NBAS: variants seen among roughly 807,000 people sequenced by gnomAD.
NBAS encodes NBAS subunit of NRZ tethering complex.
Under a neutral mutation model 302.5 loss-of-function variants are expected in NBAS, and 219 were observed. The observed-to-expected ratio is 0.72, with a 90% CI of 0.65 to 0.81. The LOEUF (loss-of-function observed/expected upper bound fraction) is 0.81. Ranked by LOEUF, NBAS falls within the 30% of genes least tolerant of loss-of-function variation. NBAS has a pLI of 0.00. For synonymous variants in NBAS, 1,118 were observed against 1,021.6 expected (o/e 1.09, Z -1.80); for missense variants, 2,932 against 2,841.6 (o/e 1.03, Z -0.72).
rs73917940 is a variant in NBAS, at chr2:15,315,814, T to C, written c.4583-6567A>G. Among the ~76,000 whole-genome samples, 1,214 of 152,258 alleles carry C rather than the reference T, an allele frequency of 8.0e-3. 21 individuals are homozygous for C. The highest frequency in any genetic ancestry group is 0.028 in the African/African-American group (1,158 of 41,562). ...TAATGTGCCTAGCCCAGGGCTCTCCTAACTAACATGAATTGTAGGGAACTG... is the reference window on the plus strand; with the variant it reads ...TAATGTGCCTAGCCCAGGGCTCTCCCAACTAACATGAATTGTAGGGAACTG... On this transcript the variant is annotated intron_variant, in intron 38 of 51. Transcript: ENST00000281513.
chr2:15,262,427 G>A (rs1668889777), intron 44 of NBAS, among the ~76,000 whole-genome samples: 1 of 152,098 alleles, frequency 6.6e-6, no homozygotes. Context: ...CTTCTTACTT[G>A]TGTCTAAAAA....
the NBAS span, among the ~76,000 whole-genome samples, chr2:15,098,361 T>A: frequency 3.1e-3 from 7 of 2,292 alleles, 1 homozygote; most frequent in Admixed American, 8.2e-3. Context: ...TATGATATAT[T>A]GTATATAATA....
At chr2:15,282,446 G>C (rs1669865775) in intron 42 of NBAS, among the ~76,000 whole-genome samples, 1 of 152,124 alleles carries the variant, frequency 6.6e-6, no homozygotes, top group South Asian at 2.1e-4. Context: ...TCTCTCCTCA[G>C]ATAGACCTTG....
chr2:14,916,350 G>A, the NBAS span, among the ~76,000 whole-genome samples: 3 of 152,090 alleles, frequency 2.0e-5, no homozygotes, highest in Admixed American at 6.6e-5. Flanking sequence ...CACTCCTCAG[G>A]ATGCAATACA....
chr2:15,394,952 G>A (rs1306295918), intron 27 of NBAS, among the ~76,000 whole-genome samples: 1 of 151,988 alleles, frequency 6.6e-6, no homozygotes, highest in African/African-American at 2.4e-5. Flanking sequence ...ACTACTACAG[G>A]ACTGAATAGA....
At chr2:15,496,263 G>C (rs1015915092) in intron 11 of NBAS, among the ~76,000 whole-genome samples, 2 of 152,074 alleles carry the variant, frequency 1.3e-5, no homozygotes, top group African/African-American at 2.4e-5. Context: ...TATTCATATA[G>C]AATGTCCAGA....
intron 50 of NBAS, among the ~76,000 whole-genome samples, chr2:15,182,262 A>G (rs1439612282): frequency 6.6e-6 from 1 of 152,156 alleles, no homozygotes; most frequent in Admixed American, 6.5e-5. Flanking sequence ...GCTGAACATC[A>G]AGTGTTTGTT....
the NBAS span, among the ~76,000 whole-genome samples, chr2:14,891,095 C>T: frequency 1.3e-5 from 2 of 152,078 alleles, no homozygotes; most frequent in Admixed American, 6.6e-5. Context: ...GCTATATTAG[C>T]GTAAATATGT....
chr2:15,182,269 TG>T (rs1392760141), intron 50 of NBAS, among the ~76,000 whole-genome samples: 2 of 152,256 alleles, frequency 1.3e-5, no homozygotes, highest in East Asian at 3.9e-4. Context: ...ATCAAGTGTT[TG>T]TTATATACTT....
the NBAS span, among the ~76,000 whole-genome samples, chr2:14,800,790 T>G: frequency 3.5e-5 from 5 of 141,738 alleles, no homozygotes; most frequent in Non-Finnish European, 7.5e-5. Context: ...AAATTGTTTT[T>G]GTTTTTTTTT....
chr2:15,318,488 T>TA (rs1164960733), intron 38 of NBAS, among the ~76,000 whole-genome samples: 1 of 152,174 alleles, frequency 6.6e-6, no homozygotes, highest in Non-Finnish European at 1.5e-5. Flanking sequence ...TACTGTGCTT[T>TA]ATTCAGGAGA....
At chr2:15,022,556 C>A in the NBAS span, among the ~76,000 whole-genome samples, 208 of 152,258 alleles carry the variant, frequency 1.4e-3, no homozygotes, top group African/African-American at 4.7e-3. Flanking sequence ...TTCCCTCAAC[C>A]AAGCCATTCA....
At chr2:15,074,828 A>G in the NBAS span, among the ~76,000 whole-genome samples, 1 of 152,218 alleles carries the variant, frequency 6.6e-6, no homozygotes, top group Admixed American at 6.5e-5. Context: ...CAAGCACCAC[A>G]TATGGATAGA....
chr2:14,837,037 A>T, the NBAS span, among the ~76,000 whole-genome samples: 1 of 151,856 alleles, frequency 6.6e-6, no homozygotes, highest in African/African-American at 2.4e-5. Flanking sequence ...ACTCATTTTT[A>T]AAATATTAAT....
chr2:15,524,857 T>C (rs1214120377), intron 9 of NBAS, among the ~76,000 whole-genome samples: 1 of 152,026 alleles, frequency 6.6e-6, no homozygotes. Context: ...TTAAGAGCCA[T>C]TGGCCTGGCA....
intron 25 of NBAS, 92 bp from the exon 26 acceptor site, chr2:15,402,393 A>G: frequency 8.4e-7 from 1 of 1,191,396 alleles, no homozygotes; most frequent in Non-Finnish European, 1.2e-6. Context: ...AATATTAAAT[A>G]GCACAATTAA....
chr2:15,015,547 T>C, the NBAS span, among the ~76,000 whole-genome samples: 19 of 152,278 alleles, frequency 1.2e-4, no homozygotes, highest in African/African-American at 4.3e-4. Flanking sequence ...CATATGATTA[T>C]CTCAATAGAT....
At chr2:14,934,496 A>G in the NBAS span, among the ~76,000 whole-genome samples, 1 of 152,190 alleles carries the variant, frequency 6.6e-6, no homozygotes, top group Non-Finnish European at 1.5e-5. Context: ...AAAAGTAGAA[A>G]GAACTGAGTA....
intron 21 of NBAS, among the ~76,000 whole-genome samples, chr2:15,438,918 G>C (rs1326108203): frequency 1.3e-5 from 2 of 152,202 alleles, no homozygotes; most frequent in African/African-American, 4.8e-5. Flanking sequence ...GCCAGGAATA[G>C]TTCAAGTTCC....
Sources: allele counts gnomAD v4.1 joint callset (sites outside exome capture counted in the v4.1 genomes callset), GRCh38; gene constraint gnomAD v4.1.1; transcripts MANE v1.5; gene names NCBI Gene and HGNC (gene_info 2026-07-23, HGNC 2026-07-21).